PACRG: variants seen among roughly 807,000 people sequenced by gnomAD.
PACRG encodes the protein parkin coregulated, also known as parkin coregulated gene protein.
PACRG carries 29 observed loss-of-function variants against 29.7 expected under a neutral mutation model. The ratio of observed to expected loss-of-function variants is 0.98; its 90% CI spans 0.73 to 1.33. PACRG has a LOEUF of 1.33. Among genes scored for constraint, PACRG ranks in the 40% most tolerant of loss-of-function variants. PACRG has a pLI of 0.00. For missense variants in PACRG, 279 were observed against 316.2 expected (o/e 0.88, Z 0.89); for synonymous variants, 116 against 118.7 (o/e 0.98, Z 0.15).
intron 1 of PACRG, among the ~76,000 whole-genome samples, chr6:162,792,535 G>A (rs183010919): frequency 6.6e-6 from 1 of 152,060 alleles, no homozygotes; most frequent in South Asian, 2.1e-4. Flanking sequence ...CAAGGAACTA[G>A]AGAGGCTGAA....
At chr6:162,814,791 G>C (rs1050153105) in intron 2 of PACRG, among the ~76,000 whole-genome samples, 1 of 152,150 alleles carries the variant, frequency 6.6e-6, no homozygotes, top group Non-Finnish European at 1.5e-5. Flanking sequence ...GTCAGCAAGC[G>C]CGATGGCTGT....
chr6:163,125,159 A>T (rs139688240), intron 4 of PACRG, among the ~76,000 whole-genome samples: 2 of 152,336 alleles, frequency 1.3e-5, no homozygotes, highest in Admixed American at 1.3e-4. Context: ...GAAAGACTAG[A>T]TTATTTATTA....
chr6:163,294,656 T>C (rs954671954), intron 4 of PACRG, among the ~76,000 whole-genome samples: 6 of 152,234 alleles, frequency 3.9e-5, no homozygotes, highest in Admixed American at 1.3e-4. Context: ...TGACTCAAAA[T>C]TATAATTTGT....
Position 163,249,640 on chromosome 6 carries a change from G to A in PACRG, c.614-65187G>A, listed in dbSNP as rs190361586. On this transcript the variant is annotated intron_variant, in intron 4 of 4. Transcript: ENST00000366888. ...TTCCATGGGACCTAGTGGTCTCCGG[G>A]TGCTGTGGAGATTGTGTCGGATGCC... Among the ~76,000 whole-genome samples, 32 of 152,264 alleles carry A rather than the reference G, an allele frequency of 2.1e-4. No individual in the cohort carries two copies. The East Asian group carries it at 5.4e-3, about 26-fold the overall frequency.
chr6:162,959,584 C>T (rs1330749903), intron 2 of PACRG, among the ~76,000 whole-genome samples: 4 of 152,046 alleles, frequency 2.6e-5, no homozygotes, highest in African/African-American at 4.8e-5. Context: ...AGTGATAAGG[C>T]GAGGCAGTCT....
rs145006651 is a variant in PACRG, at chr6:162,755,131, C to T, written c.156+26740C>T. 4.1e-4 allele frequency among the ~76,000 whole-genome samples: 63 copies of T among 152,118 alleles called. 1 individual carries two copies. In the East Asian group the frequency reaches 0.011, roughly 27 times the overall value. On this transcript the variant is annotated intron_variant, in intron 1 of 4. Coordinates refer to ENST00000366888, the MANE Select transcript of PACRG (RefSeq NM_001080379.2). ...TCCTTTGTATTTTTGTAGTATCATT[C>T]GTGATGTCTCCTCTTTCACTTGTGA...
chr6:163,156,459 C>A (rs1276443342), intron 4 of PACRG, among the ~76,000 whole-genome samples: 1 of 152,090 alleles, frequency 6.6e-6, no homozygotes, highest in African/African-American at 2.4e-5. Flanking sequence ...CATATCTGAG[C>A]GGTCTCCCTA....
intron 4 of PACRG, chr6:163,170,349 A>G (rs1037240986): frequency 3.3e-5 from 5 of 152,274 alleles, no homozygotes; most frequent in Non-Finnish European, 7.3e-5. Context: ...AGCTTTCTGC[A>G]TCTCTGGTTG....
At chr6:163,028,704 A>G (rs961956322) in intron 2 of PACRG, among the ~76,000 whole-genome samples, 3 of 152,242 alleles carry the variant, frequency 2.0e-5, no homozygotes, top group Admixed American at 6.5e-5. Context: ...GCTTTACTTA[A>G]TACGAAACTC....
At chr6:162,822,318 A>T (rs918357892) in intron 2 of PACRG, among the ~76,000 whole-genome samples, 1 of 152,206 alleles carries the variant, frequency 6.6e-6, no homozygotes, top group African/African-American at 2.4e-5. Flanking sequence ...TTCCTGTAGT[A>T]ATTCTCATGG....
At chr6:162,801,150 G>A (rs1052742637) in intron 1 of PACRG, among the ~76,000 whole-genome samples, 2 of 151,948 alleles carry the variant, frequency 1.3e-5, no homozygotes, top group Non-Finnish European at 2.9e-5. Flanking sequence ...GCAGAGTCTC[G>A]CTCTGTTGCC....
intron 1 of PACRG, among the ~76,000 whole-genome samples, chr6:162,754,128 C>T (rs753773577): frequency 5.3e-5 from 8 of 152,192 alleles, no homozygotes; most frequent in Admixed American, 1.3e-4. Flanking sequence ...TCCTTTTTCT[C>T]TGCATCTTCC....
chr6:163,071,036 G>C (rs1407650318), intron 3 of PACRG, among the ~76,000 whole-genome samples: 1 of 152,080 alleles, frequency 6.6e-6, no homozygotes, highest in African/African-American at 2.4e-5. Context: ...GGAGCACCCA[G>C]ATAGGTAAAG....
At chr6:163,137,027 T>C (rs1482390761) in intron 4 of PACRG, among the ~76,000 whole-genome samples, 2 of 152,224 alleles carry the variant, frequency 1.3e-5, no homozygotes, top group Admixed American at 6.5e-5. Context: ...TGTTTGCAAA[T>C]GCATTTTTTA....
chr6:163,086,588 G>A (rs1240350023), intron 3 of PACRG, among the ~76,000 whole-genome samples: 1 of 152,092 alleles, frequency 6.6e-6, no homozygotes, highest in Non-Finnish European at 1.5e-5. Flanking sequence ...GTTGTAGGGG[G>A]CTCTGAAGTG....
chr6:162,773,494 ATTTTTTTTTTTTT>A (rs71008110), intron 1 of PACRG, among the ~76,000 whole-genome samples: 23 of 66,026 alleles, frequency 3.5e-4, no homozygotes, highest in South Asian at 2.4e-3. Context: ...ACAGCTTGTC[ATTTTTTTTTTTTT>A]TTTTTTTTTT....
At chr6:162,900,812 T>A (rs1795508367) in intron 2 of PACRG, among the ~76,000 whole-genome samples, 1 of 152,220 alleles carries the variant, frequency 6.6e-6, no homozygotes, top group South Asian at 2.1e-4. Context: ...GGCTCAAATG[T>A]TGCATCTCCT....
chr6:163,305,742 T>C (rs1017100832), intron 4 of PACRG, among the ~76,000 whole-genome samples: 1 of 152,202 alleles, frequency 6.6e-6, no homozygotes, highest in Non-Finnish European at 1.5e-5. Context: ...TGTAATGAAG[T>C]AAAGATAGTG....
chr6:162,766,707 AT>A (rs1324458708), intron 1 of PACRG, among the ~76,000 whole-genome samples: 1 of 152,090 alleles, frequency 6.6e-6, no homozygotes, highest in East Asian at 1.9e-4. Flanking sequence ...TCTAAGTTAT[AT>A]TTTTCTAAAG....
Sources: allele counts gnomAD v4.1 joint callset (sites outside exome capture counted in the v4.1 genomes callset), GRCh38; gene constraint gnomAD v4.1.1; transcripts MANE v1.5; gene names NCBI Gene and HGNC (gene_info 2026-07-23, HGNC 2026-07-21).